Variants in MCC observed in about 807,000 individuals in gnomAD.
MCC encodes the protein colorectal mutant cancer protein.
Under a neutral mutation model 116.2 loss-of-function variants are expected in MCC, and 90 were observed. The observed-to-expected ratio is 0.77, with a 90% CI of 0.65 to 0.92. The LOEUF is 0.92. Ranked by LOEUF, MCC falls within the 40% of genes least tolerant of loss-of-function variation. MCC has a pLI of 0.00. For synonymous variants in MCC, 578 were observed against 510.5 expected (o/e 1.13, Z -1.78); for missense variants, 1,516 against 1,312.2 (o/e 1.16, Z -2.40).
intron 8 of MCC, among the ~76,000 whole-genome samples, chr5:113,100,201 A>G (rs1300853959): frequency 6.6e-6 from 1 of 152,230 alleles, no homozygotes; most frequent in East Asian, 1.9e-4. Context: ...GCACAAATGA[A>G]GAAGAGTTGA....
chr5:113,106,667 G>T (rs532714308), intron 6 of MCC, among the ~76,000 whole-genome samples: 58 of 152,134 alleles, frequency 3.8e-4, no homozygotes, highest in African/African-American at 1.1e-3. Flanking sequence ...TCAACCTATC[G>T]TCCCACCTCA....
In MCC at chr5:113,149,139, G is replaced by C. The variant is rs73778954; in HGVS notation, c.741+2170C>G. 6.7e-3 allele frequency among the ~76,000 whole-genome samples: 1,010 copies of C among 151,866 alleles called. 18 individuals are homozygous for C. Among genetic ancestry groups the C allele is most frequent in the African/African-American group, 0.023 (941 of 41,436 alleles). On this transcript the variant is annotated intron_variant, in intron 4 of 18. Coordinates refer to ENST00000408903, the MANE Select transcript of MCC (RefSeq NM_001085377.2). ...TTTTAAAACAAATTCTCATCAATAAGAATTGCTAATGATGGCTGGCTTTGG... is the reference window on the plus strand; with the variant it reads ...TTTTAAAACAAATTCTCATCAATAACAATTGCTAATGATGGCTGGCTTTGG...
At chr5:113,420,540 G>C (rs955028179) in intron 1 of MCC, among the ~76,000 whole-genome samples, 4 of 152,118 alleles carry the variant, frequency 2.6e-5, no homozygotes, top group African/African-American at 9.7e-5. Flanking sequence ...CTTCTTCTCT[G>C]AAAGACACAC....
intron 1 of MCC, among the ~76,000 whole-genome samples, chr5:113,403,404 C>T (rs1398493014): frequency 6.6e-6 from 1 of 152,102 alleles, no homozygotes; most frequent in Admixed American, 6.6e-5. Context: ...AGTTAAATCC[C>T]AGAAATAAAA....
chr5:113,082,476 C>A (rs1754927221), intron 11 of MCC, among the ~76,000 whole-genome samples: 1 of 152,242 alleles, frequency 6.6e-6, no homozygotes, highest in Non-Finnish European at 1.5e-5. Context: ...TTGGCAGCCA[C>A]CTGTGACCTA....
In MCC at chr5:113,100,464, CTT is replaced by C. The variant is rs10649958; in HGVS notation, c.1398+1273_1398+1274del. Among the ~76,000 whole-genome samples, 53 of 78,842 alleles carry C rather than the reference CTT, an allele frequency of 6.7e-4. 1 individual carries two copies. Among genetic ancestry groups the C allele is most frequent in the African/African-American group, 2.1e-3 (45 of 21,618 alleles). The allele number at this position is 78,842 out of a possible 152,430, so 51.7% of individuals were successfully genotyped here. ...TGAGACCCACTAGATGTATTTTTCC[CTT>C]TTTTTTTTTTTTTTTTTTTTTTGGA... is the stretch of plus-strand genomic sequence containing the variant. On this transcript the variant is annotated intron_variant, in intron 8 of 18. Transcript: ENST00000408903.
chr5:113,429,316 A>G (rs2150410137), intron 1 of MCC, among the ~76,000 whole-genome samples: 1 of 152,214 alleles, frequency 6.6e-6, no homozygotes, highest in Non-Finnish European at 1.5e-5. Context: ...GTGCCATGTG[A>G]GGGCACAGGG....
chr5:113,159,133 C>T (rs1249063680), intron 3 of MCC, among the ~76,000 whole-genome samples: 1 of 152,146 alleles, frequency 6.6e-6, no homozygotes, highest in East Asian at 1.9e-4. Flanking sequence ...GGGTGATTCT[C>T]TTTGTCCTTT....
chr5:113,301,946 G>C (rs1256819320), intron 3 of MCC, among the ~76,000 whole-genome samples: 1 of 152,200 alleles, frequency 6.6e-6, no homozygotes, highest in Non-Finnish European at 1.5e-5. Flanking sequence ...GCAGGGCAAA[G>C]ACATGATCCA....
chr5:113,416,329 G>A (rs115594334), intron 1 of MCC, among the ~76,000 whole-genome samples: 4,895 of 152,248 alleles, frequency 0.032, 108 homozygotes, highest in East Asian at 0.076. Context: ...TGAAACAGGA[G>A]GATTGCTTGA....
chr5:113,434,663 C>A lies in MCC; in HGVS notation c.171-49451G>T. 3 of 1,613,920 alleles carry A rather than the reference C, an allele frequency of 1.9e-6. No individual in the cohort carries two copies. The highest frequency in any genetic ancestry group is 2.5e-6 in the Non-Finnish European group (3 of 1,179,878). ...TTAACATGGCCAGAATCTCAATTTC[C>A]CGGGGAAGGAATTTCTCCAAGAAGT... On this transcript the variant is annotated intron_variant, in intron 1 of 18. Transcript: ENST00000408903. The surrounding 1 kb of genome is among the most constrained non-coding windows in gnomAD (Gnocchi z 4.2).
chr5:113,375,619 G>A (rs927625831), intron 2 of MCC, among the ~76,000 whole-genome samples: 2 of 152,118 alleles, frequency 1.3e-5, no homozygotes, highest in African/African-American at 4.8e-5. Context: ...AGGGGCTGGA[G>A]GGACTAAGAT....
intron 8 of MCC, among the ~76,000 whole-genome samples, chr5:113,099,294 T>G (rs1227348881): frequency 6.6e-6 from 1 of 152,186 alleles, no homozygotes; most frequent in Non-Finnish European, 1.5e-5. Context: ...AGGTAACAGA[T>G]GTGACTGGAA....
At chr5:113,157,478 G>T (rs1451697625) in intron 3 of MCC, among the ~76,000 whole-genome samples, 2 of 152,218 alleles carry the variant, frequency 1.3e-5, no homozygotes, top group Non-Finnish European at 2.9e-5. Context: ...GCAGAGGAAT[G>T]AGTTCATCCC....
At chr5:113,271,016 A>T (rs1426263497) in intron 3 of MCC, among the ~76,000 whole-genome samples, 1 of 152,158 alleles carries the variant, frequency 6.6e-6, no homozygotes, top group Non-Finnish European at 1.5e-5. Flanking sequence ...TTTTTCTATC[A>T]ATTTACCTAG....
chr5:113,438,773 C>T lies in MCC; in HGVS notation c.170+49472G>A, dbSNP rs141621866. 2.8e-3 allele frequency among the ~76,000 whole-genome samples: 425 copies of T among 152,290 alleles called. 1 individual carries two copies. The highest frequency in any genetic ancestry group is 9.7e-3 in the African/African-American group (405 of 41,550). On this transcript the variant is annotated intron_variant, in intron 1 of 18. Transcript: ENST00000408903. ...GGAAGCTAAAAACACTACGACATGG[C>T]ATCACCTTCTAAAAATTTGTTATTT...
intron 1 of MCC, among the ~76,000 whole-genome samples, chr5:113,410,430 T>C (rs557138789): frequency 6.6e-6 from 1 of 152,318 alleles, no homozygotes; most frequent in East Asian, 1.9e-4. Context: ...TGTTGAACAC[T>C]TGTCTGATCA....
At chr5:113,421,316 C>T (rs1205138413) in intron 1 of MCC, among the ~76,000 whole-genome samples, 3 of 152,246 alleles carry the variant, frequency 2.0e-5, no homozygotes, top group African/African-American at 7.2e-5. Flanking sequence ...TGAGCCACTG[C>T]ACCCGGCCTC....
At chr5:113,071,039 A>G in intron 12 of MCC, 55 bp downstream of exon 12, 1 of 1,567,068 alleles carries the variant, frequency 6.4e-7, no homozygotes, top group Non-Finnish European at 8.7e-7. Flanking sequence ...TCTGAAGGTT[A>G]CTCTGGATGC....
Sources: gnomAD v4.1 joint callset for allele counts (sites outside exome capture counted in the v4.1 genomes callset) on GRCh38, gnomAD v4.1.1 for gene constraint, Gnocchi (gnomAD v3.1) non-coding constraint, MANE v1.5 for transcripts, NCBI Gene and HGNC (gene_info 2026-07-23, HGNC 2026-07-21) for gene names.